Variants in NPHP4 observed in about 807,000 individuals in gnomAD.
NPHP4 encodes nephrocystin-4.
In NPHP4, 151 loss-of-function variants were observed where a neutral mutation model predicts 155.8. The ratio of observed to expected loss-of-function variants is 0.97; its 90% CI spans 0.85 to 1.11. The LOEUF is 1.11. NPHP4 is among the 50% of genes least tolerant of loss of function. The pLI is 0.00. For missense variants in NPHP4, 1,956 were observed against 1,925.7 expected (o/e 1.02, Z -0.29); for synonymous variants, 845 against 816.8 (o/e 1.03, Z -0.59).
intron 5 of NPHP4, among the ~76,000 whole-genome samples, chr1:5,963,177 C>A (rs771963779): frequency 1.3e-5 from 2 of 152,220 alleles, no homozygotes; most frequent in Non-Finnish European, 2.9e-5. Context: ...GGTGGATCAC[C>A]TGAGGCCAGG....
intron 16 of NPHP4, among the ~76,000 whole-genome samples, chr1:5,894,388 T>G (rs1644290696): frequency 6.6e-6 from 1 of 151,396 alleles, no homozygotes; most frequent in African/African-American, 2.4e-5. Flanking sequence ...AGGTGCAGGT[T>G]GAAGTAAGCT....
intron 6 of NPHP4, among the ~76,000 whole-genome samples, chr1:5,956,713 C>T (rs1047933308): frequency 2.6e-5 from 4 of 152,184 alleles, no homozygotes; most frequent in African/African-American, 9.7e-5. Context: ...GCAAACAGAT[C>T]AGACCTCCCA....
chr1:5,913,984 C>T (rs570150351), intron 11 of NPHP4, among the ~76,000 whole-genome samples: 7 of 152,168 alleles, frequency 4.6e-5, no homozygotes, highest in African/African-American at 1.4e-4. Flanking sequence ...CGCAGCTCCC[C>T]GCAAAGTAAG....
At chr1:5,884,189 G>A (rs1176502167) in intron 18 of NPHP4, among the ~76,000 whole-genome samples, 1 of 152,176 alleles carries the variant, frequency 6.6e-6, no homozygotes, top group Admixed American at 6.5e-5. Context: ...CACGTTTGCT[G>A]CAGGGGCAGG....
At chr1:5,964,933 A>ATTTTTTTT (rs1327414741) in intron 5 of NPHP4, among the ~76,000 whole-genome samples, 21 of 23,778 alleles carry the variant, frequency 8.8e-4, no homozygotes, top group African/African-American at 1.8e-3. Flanking sequence ...ATATATATAT[A>ATTTTTTTT]TATATATATT....
At chr1:5,959,829 T>C (rs531079041) in intron 6 of NPHP4, among the ~76,000 whole-genome samples, 1 of 152,294 alleles carries the variant, frequency 6.6e-6, no homozygotes, top group East Asian at 1.9e-4. Flanking sequence ...ATCTCACAGC[T>C]AGTCCCAAGA....
intron 7 of NPHP4, among the ~76,000 whole-genome samples, chr1:5,951,689 A>G (rs1383974432): frequency 1.3e-5 from 2 of 152,226 alleles, no homozygotes; most frequent in African/African-American, 2.4e-5. Context: ...CATCAGGCCC[A>G]ATTTTTCTAG....
chr1:5,899,200 C>T (rs1182878919), intron 16 of NPHP4, among the ~76,000 whole-genome samples: 1 of 152,188 alleles, frequency 6.6e-6, no homozygotes, highest in Non-Finnish European at 1.5e-5. Flanking sequence ...AACACAACGG[C>T]CGTGCGCACC....
chr1:5,883,636 C>A (rs1267141921), intron 18 of NPHP4, among the ~76,000 whole-genome samples: 6 of 152,190 alleles, frequency 3.9e-5, no homozygotes, highest in African/African-American at 1.4e-4. Flanking sequence ...TCATCCTCCA[C>A]CCGGCACCTC....
chr1:5,966,013 C>G (rs898638483), intron 5 of NPHP4, among the ~76,000 whole-genome samples: 1 of 152,180 alleles, frequency 6.6e-6, no homozygotes, highest in Non-Finnish European at 1.5e-5. Context: ...GCTCAGCCCC[C>G]ACTCAGCAGA....
At chr1:5,864,857 C>A (rs1641036441) in intron 27 of NPHP4, 1 of 561,114 alleles carries the variant, frequency 1.8e-6, no homozygotes, top group Non-Finnish European at 3.2e-6. Context: ...GAGCTCCTGT[C>A]ACTGTTCACC....
In NPHP4 at chr1:5,867,872, TGCC is replaced by T; in HGVS notation, c.3337_3339del (p.Gly1113del). 1 of 1,613,938 alleles carries T rather than the reference TGCC, an allele frequency of 6.2e-7. No individual in the cohort carries two copies. Among genetic ancestry groups the T allele is most frequent in the Non-Finnish European group, 8.5e-7 (1 of 1,179,886 alleles). ...GTCAGGCAGAGCACGGCGATGGGCT[TGCC>T]ACCACTCGCTCGGAACAAGACCTGT... On this transcript the variant is annotated inframe_deletion, in exon 24 of 30. Transcript: ENST00000378156. The surrounding 1 kb of genome is among the most constrained non-coding windows in gnomAD (Gnocchi z 4.1).
chr1:5,870,685 G>A (rs938811691), intron 23 of NPHP4, among the ~76,000 whole-genome samples: 4 of 152,184 alleles, frequency 2.6e-5, no homozygotes, highest in African/African-American at 2.4e-5. Context: ...CAGTAACATC[G>A]CCAGTAACAG....
intron 9 of NPHP4, 72 bp downstream of exon 9, chr1:5,947,032 T>G: frequency 1.3e-6 from 2 of 1,528,150 alleles, no homozygotes; most frequent in Non-Finnish European, 9.1e-7. Context: ...AAAGCATTCA[T>G]GCCCACTACA....
chr1:5,988,755 G>A (rs553431032), intron 1 of NPHP4, among the ~76,000 whole-genome samples: 2 of 151,706 alleles, frequency 1.3e-5, no homozygotes, highest in East Asian at 3.9e-4. Context: ...CCTTGGCCCA[G>A]GGTCCCGCCT....
chr1:5,944,056 C>A lies in NPHP4; in HGVS notation c.1119+3048G>T, dbSNP rs1646959383. On this transcript the variant is annotated intron_variant, in intron 9 of 29. Transcript: ENST00000378156. The surrounding 1 kb of genome is among the most constrained non-coding windows in gnomAD (Gnocchi z 4.3). ...AGTTTTTAAAAAAAAAAGAAATGTT[C>A]ATGCCAAAAGGTTTACAGATGAAAT... 6.6e-6 allele frequency among the ~76,000 whole-genome samples: 1 copy of A among 152,118 alleles called. No individual in the cohort carries two copies. The highest frequency in any genetic ancestry group is 6.6e-5 in the Admixed American group (1 of 15,264).
In NPHP4 at chr1:5,970,793, G is replaced by A. The variant is rs571429057; in HGVS notation, c.280-1534C>T. Among the ~76,000 whole-genome samples, 108 of 152,028 alleles carry A rather than the reference G, an allele frequency of 7.1e-4. 1 individual carries two copies. Among genetic ancestry groups the A allele is most frequent in the Non-Finnish European group, 1.3e-3 (90 of 67,982 alleles). On this transcript the variant is annotated intron_variant, in intron 3 of 29. Coordinates refer to ENST00000378156, the MANE Select transcript of NPHP4 (RefSeq NM_015102.5). ...ATTACCATGGTGTCACCGAGAAAAC[G>A]TTTACTGTAATCACAGACTGTCAGC...
intron 16 of NPHP4, among the ~76,000 whole-genome samples, chr1:5,904,231 T>C (rs985302324): frequency 6.6e-6 from 1 of 152,202 alleles, no homozygotes; most frequent in Admixed American, 6.5e-5. Flanking sequence ...TAAAAAAATG[T>C]TATGAGGTTA....
chr1:5,922,903 C>CA (rs1645815748), intron 11 of NPHP4, among the ~76,000 whole-genome samples: 1 of 152,130 alleles, frequency 6.6e-6, no homozygotes, highest in Non-Finnish European at 1.5e-5. Context: ...GAGGCTGAGG[C>CA]GGGTGGATTG....
Sources: allele counts gnomAD v4.1 joint callset (sites outside exome capture counted in the v4.1 genomes callset), GRCh38; gene constraint gnomAD v4.1.1; non-coding constraint Gnocchi (gnomAD v3.1); transcripts MANE v1.5; gene names NCBI Gene and HGNC (gene_info 2026-07-23, HGNC 2026-07-21).